NXN: variants seen among roughly 807,000 people sequenced by gnomAD.
The protein encoded by NXN is nucleoredoxin 1.
Under a neutral mutation model 48.6 loss-of-function variants are expected in NXN, and 16 were observed. The observed-to-expected ratio is 0.33, with a 90% confidence interval of 0.22 to 0.50. The LOEUF is 0.50. Among genes scored for constraint, NXN ranks in the 20% least tolerant of loss-of-function variants. The pLI is 0.98. For missense variants in NXN, 492 were observed against 605.5 expected (o/e 0.81, Z 1.97); for synonymous variants, 281 against 269.6 (o/e 1.04, Z -0.41).
chr17:905,334 T>C (rs2144908081), intron 1 of NXN: 1 of 151,988 alleles, frequency 6.6e-6, no homozygotes, highest in Admixed American at 6.6e-5. Context: ...GGAAAATCCC[T>C]GGAGCCCAGG....
At chr17:936,806 C>T (rs1378533332) in intron 1 of NXN, among the ~76,000 whole-genome samples, 1 of 150,674 alleles carries the variant, frequency 6.6e-6, no homozygotes, top group African/African-American at 2.4e-5. Context: ...TCACACTTCC[C>T]CACATAAGCT....
chr17:822,124 CA>C (rs1912850667), intron 4 of NXN, among the ~76,000 whole-genome samples: 1 of 151,434 alleles, frequency 6.6e-6, no homozygotes, highest in Non-Finnish European at 1.5e-5. Context: ...ACTAAAAATA[CA>C]AAAATTAGCC....
chr17:932,170 A>G lies in NXN; in HGVS notation c.360+47149T>C, dbSNP rs180953769. On this transcript the variant is annotated intron_variant, in intron 1 of 7. Coordinates refer to ENST00000336868, the MANE Select transcript of NXN (RefSeq NM_022463.5). The surrounding 1 kb of genome is among the most constrained non-coding windows in gnomAD (Gnocchi z 4.1). ...AAAATAAAACAAAACGAACAATTTT[A>G]GAAATGTTTAATTATTTGGAATCCT... Among the ~76,000 whole-genome samples the G allele has an allele frequency of 3.3e-4, 50 of 152,330 alleles. No homozygotes were observed. Among genetic ancestry groups the G allele is most frequent in the Non-Finnish European group, 6.6e-4 (45 of 68,036 alleles).
At chr17:874,454 G>T (rs558957886) in intron 1 of NXN, among the ~76,000 whole-genome samples, 1 of 152,290 alleles carries the variant, frequency 6.6e-6, no homozygotes, top group East Asian at 1.9e-4. Context: ...CGTGGTGGCA[G>T]GCACCTGTCA....
intron 5 of NXN, among the ~76,000 whole-genome samples, chr17:812,221 G>A (rs893990810): frequency 3.9e-5 from 6 of 152,064 alleles, no homozygotes; most frequent in Non-Finnish European, 1.5e-5. Flanking sequence ...GCCACTGCGC[G>A]TGGCCTGGGT....
chr17:829,457 T>C (rs1277867107), intron 1 of NXN, among the ~76,000 whole-genome samples: 1 of 126,096 alleles, frequency 7.9e-6, no homozygotes, highest in Non-Finnish European at 1.7e-5. Flanking sequence ...GCTCGGACTA[T>C]CTTTTTTTTT....
chr17:897,413 C>T (rs1477622255), intron 1 of NXN, among the ~76,000 whole-genome samples: 2 of 152,228 alleles, frequency 1.3e-5, no homozygotes, highest in African/African-American at 4.8e-5. Flanking sequence ...TCAATTTCTT[C>T]TTGAAAGCAC....
intron 1 of NXN, among the ~76,000 whole-genome samples, chr17:854,958 CA>C (rs879505590): frequency 1.2e-3 from 162 of 131,532 alleles, no homozygotes; most frequent in Middle Eastern, 3.8e-3. Context: ...GACTCCGTCT[CA>C]AAAAAAAAAA....
At chr17:894,994 CTTTTTTTTTTTTTTTTTTTTTTTTT>C (rs778350779) in intron 1 of NXN, among the ~76,000 whole-genome samples, 11 of 60,822 alleles carry the variant, frequency 1.8e-4, no homozygotes, top group African/African-American at 4.8e-4. Flanking sequence ...TCACCCTTTC[CTTTTTTTTTTTTTTTTTTTTTTTTT>C]TTTTTTTTTT....
At chr17:892,812 C>T (rs1285735985) in intron 1 of NXN, among the ~76,000 whole-genome samples, 2 of 152,226 alleles carry the variant, frequency 1.3e-5, no homozygotes, top group East Asian at 1.9e-4. Context: ...GCATGTCATT[C>T]ATTATGCATT....
chr17:856,487 CTTTTT>C (rs35579004), intron 1 of NXN, among the ~76,000 whole-genome samples: 31 of 121,102 alleles, frequency 2.6e-4, no homozygotes, highest in African/African-American at 6.3e-4. Context: ...AAGTACTTGT[CTTTTT>C]TTTTTTTTTT....
chr17:801,123 C>T lies in NXN; in HGVS notation c.1134G>A (p.Met378Ile). 6.5e-7 allele frequency: 1 copy of T among 1,536,656 alleles called. No individual in the cohort carries two copies. The highest frequency in any genetic ancestry group is 8.8e-7 in the Non-Finnish European group (1 of 1,140,922). ...LLFFVAGEDD[M>I]TDSLRDYTNL... ...TGGTGTAATCTCGCAGGGAGTCAGT[C>T]ATGTCATCCTGAAGCCGTCAGGAGG... Residue 378 changes from methionine to isoleucine, a missense_variant, in exon 8 of 8, where the codon ATG (methionine) becomes ATA (isoleucine). By Grantham distance (10) the Met-to-Ile change is conservative. This residue lies in a region of NXN where 303 missense variants were observed against 388.3 expected (regional missense o/e 0.78). Transcript: ENST00000336868.
At chr17:866,694 G>A (rs1251155924) in intron 1 of NXN, among the ~76,000 whole-genome samples, 1 of 152,178 alleles carries the variant, frequency 6.6e-6, no homozygotes, top group African/African-American at 2.4e-5. Context: ...GAAAGAAAAA[G>A]TCCTGGCAGC....
intron 1 of NXN, among the ~76,000 whole-genome samples, chr17:928,196 C>T (rs2068820481): frequency 6.6e-6 from 1 of 152,104 alleles, no homozygotes; most frequent in Non-Finnish European, 1.5e-5. Context: ...GTCTCAAGAG[C>T]ACAGAGTCCA....
At chr17:851,395 C>T (rs992214533) in intron 1 of NXN, among the ~76,000 whole-genome samples, 3 of 152,326 alleles carry the variant, frequency 2.0e-5, no homozygotes, top group East Asian at 1.9e-4. Context: ...GAGCGGGGGA[C>T]GGGAAGCAGA....
rs373306586 is a variant in NXN, at chr17:952,888, T to C, written c.360+26431A>G. 4.1e-4 allele frequency among the ~76,000 whole-genome samples: 62 copies of C among 152,198 alleles called. No homozygotes were observed. In the South Asian group the frequency reaches 0.012, roughly 30 times the overall value. ...ACGGACGACAGGTTCCTGCTGCCCATCCCTCTGGGAGGAATGACGGCCAGC... is the reference window on the plus strand; with the variant it reads ...ACGGACGACAGGTTCCTGCTGCCCACCCCTCTGGGAGGAATGACGGCCAGC... On this transcript the variant is annotated intron_variant, in intron 1 of 7. Coordinates refer to ENST00000336868, the MANE Select transcript of NXN (RefSeq NM_022463.5).
intron 3 of NXN, 151 bp from the exon 4 acceptor site, chr17:822,608 G>A: frequency 1.7e-6 from 1 of 605,924 alleles, no homozygotes; most frequent in Non-Finnish European, 3.0e-6. Context: ...GGGTATGGTG[G>A]CTACCTGGGA....
intron 1 of NXN, among the ~76,000 whole-genome samples, chr17:936,586 G>T (rs1470223429): frequency 6.6e-6 from 1 of 151,632 alleles, no homozygotes; most frequent in African/African-American, 2.4e-5. Context: ...CAGGAGAGAA[G>T]GGCGAGGTGT....
At chr17:823,127 G>A (rs1382215392) in intron 3 of NXN, among the ~76,000 whole-genome samples, 5 of 143,574 alleles carry the variant, frequency 3.5e-5, no homozygotes, top group African/African-American at 1.3e-4. Context: ...GGCCAGGCAC[G>A]ATGGTTCATG....
Sources: gnomAD v4.1 joint callset for allele counts (sites outside exome capture counted in the v4.1 genomes callset) on GRCh38, gnomAD v4.1.1 for gene constraint, gnomAD v4.1.1 regional missense constraint, Gnocchi (gnomAD v3.1) non-coding constraint, MANE v1.5 for transcripts, NCBI Gene and HGNC (gene_info 2026-07-23, HGNC 2026-07-21) for gene names.